The following PLD5 variants were observed in gnomAD, a reference collection of about 807,000 sequenced individuals.
The protein encoded by PLD5 is phospholipase D family member 5.
Under a neutral mutation model 61.1 loss-of-function variants are expected in PLD5, and 36 were observed. The observed-to-expected ratio is 0.59, with a 90% CI of 0.45 to 0.78. The LOEUF (loss-of-function observed/expected upper bound fraction) is 0.78. PLD5 is among the 30% of genes least tolerant of loss of function. PLD5 has a pLI of 0.00. For missense variants in PLD5, 515 were observed against 644.4 expected (o/e 0.80, Z 2.17); for synonymous variants, 243 against 242.8 (o/e 1.00, Z -0.01).
chr1:242,216,891 G>A (rs1376589940), intron 5 of PLD5, among the ~76,000 whole-genome samples: 2 of 152,200 alleles, frequency 1.3e-5, no homozygotes, highest in Non-Finnish European at 2.9e-5. Context: ...GTGATTTTAA[G>A]TTGAAGCCAA....
At chr1:242,176,069 G>T (rs958525223) in intron 5 of PLD5, among the ~76,000 whole-genome samples, 12 of 152,078 alleles carry the variant, frequency 7.9e-5, no homozygotes, top group Admixed American at 5.2e-4. Context: ...TTTCTTCATA[G>T]AATCAGAAAA....
intron 6 of PLD5, among the ~76,000 whole-genome samples, chr1:242,119,209 T>G (rs1250025331): frequency 6.6e-6 from 1 of 152,184 alleles, no homozygotes; most frequent in Non-Finnish European, 1.5e-5. Flanking sequence ...ATAATCACCT[T>G]GTACAGACCT....
intron 1 of PLD5, among the ~76,000 whole-genome samples, chr1:242,481,719 C>T (rs1667783793): frequency 6.6e-6 from 1 of 152,208 alleles, no homozygotes; most frequent in Admixed American, 6.5e-5. Flanking sequence ...TAGTGGTTCT[C>T]CCAGCACAGA....
intron 1 of PLD5, among the ~76,000 whole-genome samples, chr1:242,395,962 C>T (rs532390499): frequency 2.6e-5 from 4 of 152,204 alleles, no homozygotes; most frequent in Admixed American, 6.5e-5. Context: ...GCAGGAGAAC[C>T]GCTTGAACCC....
At position 242,508,464 on chromosome 1, in the gene PLD5, G is replaced by C. The variant is rs112497737; in HGVS notation, c.189+15624C>G. 1.3e-3 allele frequency among the ~76,000 whole-genome samples: 194 copies of C among 152,200 alleles called. 1 individual carries two copies. Among genetic ancestry groups the C allele is most frequent in the African/African-American group, 4.5e-3 (186 of 41,536 alleles). ...ATCAGAAGCCCAAAGACTCTTTCAG[G>C]GTTGCCATATTGAGGAGCTCTTCAC... On this transcript the variant is annotated intron_variant, in intron 1 of 9. Transcript: ENST00000536534.
chr1:242,451,072 A>G (rs1202606931), intron 1 of PLD5, among the ~76,000 whole-genome samples: 1 of 152,112 alleles, frequency 6.6e-6, no homozygotes, highest in Non-Finnish European at 1.5e-5. Flanking sequence ...GGCCATGCCC[A>G]CTTATCCTTC....
intron 5 of PLD5, among the ~76,000 whole-genome samples, chr1:242,173,962 T>G (rs1395777533): frequency 6.6e-6 from 1 of 151,968 alleles, no homozygotes; most frequent in East Asian, 1.9e-4. Flanking sequence ...AAAACCTAGG[T>G]AATACCATTC....
At chr1:242,379,407 G>A (rs1662155483) in intron 1 of PLD5, among the ~76,000 whole-genome samples, 1 of 152,216 alleles carries the variant, frequency 6.6e-6, no homozygotes, top group South Asian at 2.1e-4. Flanking sequence ...TGCAAATAAA[G>A]CCATGTGTAT....
rs1558523926 is a variant in PLD5 at position 242,393,509 on chromosome 1, AGTATATATATATGTGTATATATGT to A, written c.190-45291_190-45268del. 7.3e-3 allele frequency among the ~76,000 whole-genome samples: 8 copies of A among 1,102 alleles called. 2 individuals are homozygous for A. The highest frequency in any genetic ancestry group is 4.1e-3 in the Non-Finnish European group (3 of 734). 0.7% of individuals were successfully genotyped at this position (1,102 alleles called of 152,430 possible). ...ATGAGTATATATATGTGTATATATG[AGTATATATATATGTGTATATATGT>A]GAGTATATATATGTGTATATATATG... is the stretch of plus-strand genomic sequence containing the variant. On this transcript the variant is annotated intron_variant, in intron 1 of 9. Transcript: ENST00000536534.
intron 1 of PLD5, among the ~76,000 whole-genome samples, chr1:242,421,128 C>T (rs949110356): frequency 3.5e-5 from 5 of 143,006 alleles, no homozygotes; most frequent in Admixed American, 7.4e-5. Flanking sequence ...TGCAGTGATC[C>T]GAGATCACGC....
intron 5 of PLD5, among the ~76,000 whole-genome samples, chr1:242,191,265 G>T (rs1020889673): frequency 6.6e-6 from 1 of 151,938 alleles, no homozygotes; most frequent in Non-Finnish European, 1.5e-5. Context: ...AAAGTTAAGA[G>T]AGTTTATTTA....
chr1:242,148,996 C>T, intron 5 of PLD5, among the ~76,000 whole-genome samples: 1 of 148,510 alleles, frequency 6.7e-6, no homozygotes, highest in African/African-American at 2.5e-5. Context: ...CAAGTCTATG[C>T]CTTTTATTTC....
In PLD5 at chr1:242,470,211, G is replaced by A. The variant is rs953499170; in HGVS notation, c.189+53877C>T. On this transcript the variant is annotated intron_variant, in intron 1 of 9. Transcript: ENST00000536534. ...AAAAAAAATTAGCCGGGCGTGGTGC[G>A]GGCGCCTGTACTCCCAGCTACTCGG... Among the ~76,000 whole-genome samples the A allele has an allele frequency of 2.6e-5, 4 of 152,092 alleles. 1 individual carries two copies. The highest frequency in any genetic ancestry group is 1.9e-4 in the East Asian group (1 of 5,160).
At position 242,150,638 on chromosome 1, in the gene PLD5, G is replaced by A. The variant is rs541294041; in HGVS notation, c.736-25973C>T. On this transcript the variant is annotated intron_variant, in intron 5 of 9. Coordinates refer to ENST00000536534, the MANE Select transcript of PLD5 (RefSeq NM_001372062.1). ...GTTATAGCTATTCCAACTTTCTTTCGACAAGTGGTAGCATAATAAATTTTT... is the reference window on the plus strand; with the variant it reads ...GTTATAGCTATTCCAACTTTCTTTCAACAAGTGGTAGCATAATAAATTTTT... Among the ~76,000 whole-genome samples, 8 of 151,592 alleles carry A rather than the reference G, an allele frequency of 5.3e-5. No individual in the cohort carries two copies. The South Asian group carries it at 1.5e-3, about 28-fold the overall frequency.
At chr1:242,377,235 G>A (rs934998449) in intron 1 of PLD5, 18 of 1,610,978 alleles carry the variant, frequency 1.1e-5, no homozygotes, top group South Asian at 3.3e-5. Flanking sequence ...AGAACCATCC[G>A]ATTTGTGCTG....
intron 4 of PLD5, among the ~76,000 whole-genome samples, chr1:242,264,315 C>T (rs1247023948): frequency 6.6e-6 from 1 of 152,180 alleles, no homozygotes; most frequent in Non-Finnish European, 1.5e-5. Flanking sequence ...ATACGATTAT[C>T]TCATGTTTTA....
At chr1:242,507,336 A>G (rs923841069) in intron 1 of PLD5, among the ~76,000 whole-genome samples, 3 of 152,194 alleles carry the variant, frequency 2.0e-5, no homozygotes, top group African/African-American at 7.2e-5. Context: ...AATCTGAACC[A>G]TGGATGTTGT....
chr1:242,486,780 T>C (rs1328416196), intron 1 of PLD5, among the ~76,000 whole-genome samples: 2 of 152,198 alleles, frequency 1.3e-5, no homozygotes, highest in African/African-American at 2.4e-5. Flanking sequence ...ATTGTGGCAC[T>C]ATTCACAATA....
chr1:242,510,238 G>A lies in PLD5; in HGVS notation c.189+13850C>T, dbSNP rs559386139. Among the ~76,000 whole-genome samples the A allele has an allele frequency of 3.9e-3, 582 of 150,424 alleles. 4 individuals carry two copies. The highest frequency in any genetic ancestry group is 0.014 in the African/African-American group (550 of 39,958). ...ACATACACACACACACACAAAAAAA[G>A]GTCGGAAAATAATGCCAAATGGGGA... On this transcript the variant is annotated intron_variant, in intron 1 of 9. Transcript: ENST00000536534.
Sources: gnomAD v4.1 joint callset for allele counts (sites outside exome capture counted in the v4.1 genomes callset) on GRCh38, gnomAD v4.1.1 for gene constraint, MANE v1.5 for transcripts, NCBI Gene and HGNC (gene_info 2026-07-23, HGNC 2026-07-21) for gene names.